The following ACVR1B variants were observed in gnomAD, a reference collection of about 807,000 sequenced individuals.
The protein encoded by ACVR1B is activin A receptor type 1B.
ACVR1B carries 15 observed loss-of-function variants against 55.6 expected under a neutral mutation model. The observed-to-expected ratio is 0.27, with a 90% CI of 0.18 to 0.42. The LOEUF (loss-of-function observed/expected upper bound fraction) is 0.42, where lower values mean the gene tolerates loss of function less well. Ranked by LOEUF, ACVR1B falls within the 10% of genes least tolerant of loss-of-function variation. The pLI is 1.00. For missense variants in ACVR1B, 359 were observed against 670.1 expected (o/e 0.54, Z 5.13); for synonymous variants, 247 against 254.6 (o/e 0.97, Z 0.28).
At position 51,965,979 on chromosome 12, in the gene ACVR1B, A is replaced by G. The variant is rs548213586; in HGVS notation, c.92-9286A>G. Reference sequence around the variant, plus strand: ...TGTGTGTGCCAGAATCTGTGTAGCTAATGGTGTTGGGTTGAGGAGGGGAGT... The same window carrying G: ...TGTGTGTGCCAGAATCTGTGTAGCTGATGGTGTTGGGTTGAGGAGGGGAGT... On this transcript the variant is annotated intron_variant, in intron 1 of 8. Coordinates refer to ENST00000257963, the MANE Select transcript of ACVR1B (RefSeq NM_004302.5). Among the ~76,000 whole-genome samples the G allele has an allele frequency of 7.2e-5, 11 of 152,194 alleles. No homozygotes were observed. In the South Asian group the frequency reaches 2.3e-3, roughly 32 times the overall value.
chr12:51,993,186 ATTG>A (rs1277839568), intron 8 of ACVR1B, among the ~76,000 whole-genome samples: 1 of 152,232 alleles, frequency 6.6e-6, no homozygotes, highest in Non-Finnish European at 1.5e-5. Context: ...GGTGTACAGT[ATTG>A]TTGACTCTAG....
Position 51,996,342 on chromosome 12 carries a change from C to T in ACVR1B, c.*2232C>T, listed in dbSNP as rs1408582279. ...GGAGAGCCCTGTCCCTGCCCTCAGGCTCCCCAGTGCTCCTGGCCCTTCTAT... is the reference window on the plus strand; with the variant it reads ...GGAGAGCCCTGTCCCTGCCCTCAGGTTCCCCAGTGCTCCTGGCCCTTCTAT... On this transcript the variant is annotated 3_prime_UTR_variant, in exon 9 of 9. Coordinates refer to ENST00000257963, the MANE Select transcript of ACVR1B (RefSeq NM_004302.5). 2 of 152,700 alleles carry T rather than the reference C, an allele frequency of 1.3e-5. No homozygotes were observed. Among genetic ancestry groups the T allele is most frequent in the Non-Finnish European group, 2.9e-5 (2 of 68,088 alleles). The allele number at this position is 152,700 out of a possible 1,614,324, so 9.5% of individuals were successfully genotyped here. A position where few individuals can be genotyped will look rare whatever the true frequency, so the allele number is the denominator to read the frequency against.
At chr12:51,951,997 G>A (rs930531232) in intron 1 of ACVR1B, among the ~76,000 whole-genome samples, 163 bp downstream of exon 1, 2 of 151,872 alleles carry the variant, frequency 1.3e-5, no homozygotes, top group African/African-American at 4.8e-5. Flanking sequence ...CAGCTTCCCC[G>A]ATCTCCGAGG....
rs151063939 is a variant in ACVR1B at position 51,990,927 on chromosome 12, T to A, written c.1262-936T>A. 6.8e-4 allele frequency among the ~76,000 whole-genome samples: 104 copies of A among 152,326 alleles called. 2 individuals carry two copies. In the East Asian group the frequency reaches 0.013, roughly 19 times the overall value. ...AGTTAGATCTGGCAGCTAGAATCAT[T>A]TCTGGGGGTTCGGGGACACGTATCC... On this transcript the variant is annotated intron_variant, in intron 7 of 8. Transcript: ENST00000257963.
intron 1 of ACVR1B, among the ~76,000 whole-genome samples, chr12:51,966,771 GTTAA>G (rs1284942937): frequency 1.3e-5 from 2 of 152,204 alleles, no homozygotes; most frequent in Admixed American, 1.3e-4. Context: ...TGAGCCAGTT[GTTAA>G]TTTTTTCAAG....
intron 6 of ACVR1B, 25 bp from the exon 7 acceptor site, chr12:51,986,793 G>T: frequency 1.3e-6 from 2 of 1,597,516 alleles, no homozygotes; most frequent in South Asian, 2.3e-5. Flanking sequence ...TTCTGTGCGT[G>T]ACCATGTTTG....
intron 1 of ACVR1B, among the ~76,000 whole-genome samples, chr12:51,973,829 A>G (rs1411610381): frequency 1.3e-5 from 2 of 152,204 alleles, no homozygotes; most frequent in Admixed American, 6.5e-5. Context: ...TACACTGTCT[A>G]TCCACCTGCC....
intron 1 of ACVR1B, among the ~76,000 whole-genome samples, chr12:51,962,861 G>A (rs1233930093): frequency 6.6e-6 from 1 of 152,160 alleles, no homozygotes; most frequent in South Asian, 2.1e-4. Context: ...GAAATTATTA[G>A]GCTGAGATCT....
rs1466631881 is a variant in ACVR1B at position 51,953,599 on chromosome 12, A to G, written c.91+1765A>G. The G allele has an allele frequency of 3.3e-6, 3 of 912,752 alleles. No individual in the cohort carries two copies. The African/African-American group carries it at 5.4e-5, about 16-fold the overall frequency. The allele number at this position is 912,752 out of a possible 1,614,324, so 56.5% of individuals were successfully genotyped here. On this transcript the variant is annotated intron_variant, in intron 1 of 8. Coordinates refer to ENST00000257963, the MANE Select transcript of ACVR1B (RefSeq NM_004302.5). ...TAATGTTCTCTACTGGGTAGTAAAA[A>G]AAAAAAAAAAGGGAGATTGAACCTC... is the stretch of plus-strand genomic sequence containing the variant.
chr12:51,985,851 G>C (rs1942066484), intron 6 of ACVR1B, among the ~76,000 whole-genome samples: 1 of 152,184 alleles, frequency 6.6e-6, no homozygotes, highest in South Asian at 2.1e-4. Context: ...GAAGTAAGGA[G>C]CTGTGATTGC....
chr12:51,963,319 A>G (rs1169196495), intron 1 of ACVR1B, among the ~76,000 whole-genome samples: 3 of 152,052 alleles, frequency 2.0e-5, no homozygotes, highest in Non-Finnish European at 2.9e-5. Context: ...ATCTCGGCTC[A>G]TTGCAACCTC....
chr12:51,994,414 G>T lies in ACVR1B; in HGVS notation c.*304G>T. 2 of 342,836 alleles carry T rather than the reference G, an allele frequency of 5.8e-6. No individual in the cohort carries two copies. The highest frequency in any genetic ancestry group is 6.2e-5 in the South Asian group (2 of 32,458). The allele number at this position is 342,836 out of a possible 1,614,324, so 21.2% of individuals were successfully genotyped here. On this transcript the variant is annotated 3_prime_UTR_variant, in exon 9 of 9. Coordinates refer to ENST00000257963, the MANE Select transcript of ACVR1B (RefSeq NM_004302.5). This position sits in a 1 kb window ranked among gnomAD's most constrained non-coding sequence, Gnocchi z 4.2. ...CCGCGAAACCCGGTGCATCTGGCACGTGGCCAGGAGCCATGACAGGGGCGC... is the reference window on the plus strand; with the variant it reads ...CCGCGAAACCCGGTGCATCTGGCACTTGGCCAGGAGCCATGACAGGGGCGC...
At chr12:51,987,948 T>C (rs1383238677) in intron 7 of ACVR1B, among the ~76,000 whole-genome samples, 1 of 152,234 alleles carries the variant, frequency 6.6e-6, no homozygotes, top group Non-Finnish European at 1.5e-5. Context: ...AAACATCTCA[T>C]GTACCCCATA....
chr12:51,990,134 A>G (rs1942161172), intron 7 of ACVR1B, among the ~76,000 whole-genome samples: 1 of 151,926 alleles, frequency 6.6e-6, no homozygotes, highest in Admixed American at 6.6e-5. Context: ...AATCTACTAA[A>G]AATACAAAAA....
intron 4 of ACVR1B, chr12:51,982,562 C>A: frequency 9.0e-7 from 1 of 1,113,334 alleles, no homozygotes; most frequent in Non-Finnish European, 1.2e-6. Flanking sequence ...GGCTGGTTCA[C>A]ATTGTGGAAG....
chr12:51,978,178 T>TC (rs1266712108), intron 3 of ACVR1B, among the ~76,000 whole-genome samples: 1 of 152,180 alleles, frequency 6.6e-6, no homozygotes, highest in Non-Finnish European at 1.5e-5. Flanking sequence ...TAGGGCTTGT[T>TC]CCTTGTTGAA....
intron 1 of ACVR1B, among the ~76,000 whole-genome samples, chr12:51,961,070 C>T (rs1324462817): frequency 3.1e-5 from 3 of 96,340 alleles, no homozygotes; most frequent in Non-Finnish European, 7.3e-5. Context: ...CTAGCCAAAC[C>T]CAGCGTCCTC....
intron 3 of ACVR1B, among the ~76,000 whole-genome samples, chr12:51,977,830 C>A (rs978494435): frequency 2.0e-5 from 3 of 148,036 alleles, no homozygotes; most frequent in Non-Finnish European, 4.5e-5. Context: ...CTTTGTTGCC[C>A]AGGCTGGTCT....
rs149117607 is a variant in ACVR1B, at chr12:51,986,827, C to T, written c.1146C>T (p.Ala382=). The part of the protein sequence containing the change: ...NQRVGTKRYM[A]PEVLDETINM... ...TGTTTTGCTATTGCAGATACATGGC[C>T]CCTGAAGTACTTGATGAAACCATTA... Residue 382 remains alanine, a synonymous_variant, in exon 7 of 9, where the codon GCC becomes GCT. Coordinates refer to ENST00000257963, the MANE Select transcript of ACVR1B (RefSeq NM_004302.5). 1.2e-6 allele frequency: 2 copies of T among 1,611,896 alleles called. No individual in the cohort carries two copies. The highest frequency in any genetic ancestry group is 1.7e-6 in the Non-Finnish European group (2 of 1,178,408).
Sources: allele counts gnomAD v4.1 joint callset (sites outside exome capture counted in the v4.1 genomes callset), GRCh38; gene constraint gnomAD v4.1.1; non-coding constraint Gnocchi (gnomAD v3.1); transcripts MANE v1.5; gene names NCBI Gene and HGNC (gene_info 2026-07-23, HGNC 2026-07-21).